LRP6: variants seen among roughly 807,000 people sequenced by gnomAD.
The protein encoded by LRP6 is low-density lipoprotein receptor-related protein 6.
Under a neutral mutation model 184.1 loss-of-function variants are expected in LRP6, and 43 were observed. That is an observed-to-expected ratio of 0.23 (90% CI 0.18 to 0.30). LRP6 has a LOEUF of 0.30. Ranked by LOEUF, LRP6 falls within the 10% of genes least tolerant of loss-of-function variation. The pLI is 1.00. For synonymous variants in LRP6, 719 were observed against 684.9 expected (o/e 1.05, Z -0.78); for missense variants, 1,571 against 2,005.3 (o/e 0.78, Z 4.14).
At chr12:12,249,187 TTAAAA>T (rs1865262447) in intron 1 of LRP6, 2 of 744,660 alleles carry the variant, frequency 2.7e-6, no homozygotes, top group South Asian at 1.5e-5. Flanking sequence ...ATATACAGCC[TTAAAA>T]TAAAATGTGG....
chr12:12,209,772 T>C (rs142483988), intron 2 of LRP6, among the ~76,000 whole-genome samples: 1 of 152,310 alleles, frequency 6.6e-6, no homozygotes, highest in African/African-American at 2.4e-5. Context: ...CTAAGCACCA[T>C]GCCTGATACA....
intron 2 of LRP6, among the ~76,000 whole-genome samples, chr12:12,214,038 A>G (rs1379683183): frequency 6.6e-6 from 1 of 152,052 alleles, no homozygotes; most frequent in Non-Finnish European, 1.5e-5. Flanking sequence ...CATATTTATC[A>G]TCTTCTCTTA....
rs1197467010 is a variant in LRP6, at chr12:12,117,495, G to T, written c.*3631C>A. ...TGATAACCAATATGTAATTCCTATG[G>T]CATGCAAATGAATGAAGTGGGACAA... On this transcript the variant is annotated 3_prime_UTR_variant, in exon 23 of 23. Coordinates refer to ENST00000261349, the MANE Select transcript of LRP6 (RefSeq NM_002336.3). 1 of 152,140 alleles carries T rather than the reference G, an allele frequency of 6.6e-6. No individual in the cohort carries two copies. The highest frequency in any genetic ancestry group is 1.5e-5 in the Non-Finnish European group (1 of 68,006). The allele number at this position is 152,140 out of a possible 1,614,324, so 9.4% of individuals were successfully genotyped here.
intron 1 of LRP6, among the ~76,000 whole-genome samples, chr12:12,256,096 AAACG>A (rs1865457463): frequency 6.6e-6 from 1 of 152,194 alleles, no homozygotes; most frequent in Non-Finnish European, 1.5e-5. Flanking sequence ...CTGATTTATA[AAACG>A]AAGGAGTTGG....
chr12:12,216,131 T>G (rs1864336990), intron 2 of LRP6, among the ~76,000 whole-genome samples: 1 of 152,292 alleles, frequency 6.6e-6, no homozygotes, highest in East Asian at 1.9e-4. Flanking sequence ...CTGGTCCTAA[T>G]TCGCTGCAAC....
At chr12:12,232,945 C>T (rs1864830634) in intron 2 of LRP6, among the ~76,000 whole-genome samples, 2 of 152,124 alleles carry the variant, frequency 1.3e-5, no homozygotes, top group African/African-American at 4.8e-5. Context: ...ACAAAAGATG[C>T]ACCTAACATC....
Position 12,120,902 on chromosome 12 carries a change from C to A in LRP6, c.*224G>T. ...ACTTTTAGTACAAATTTTTTTTATACAAACTTTTATGGCACAAGCAGCAAA... is the reference window on the plus strand; with the variant it reads ...ACTTTTAGTACAAATTTTTTTTATAAAAACTTTTATGGCACAAGCAGCAAA... On this transcript the variant is annotated 3_prime_UTR_variant, in exon 23 of 23. Coordinates refer to ENST00000261349, the MANE Select transcript of LRP6 (RefSeq NM_002336.3). 1 of 398,522 alleles carries A rather than the reference C, an allele frequency of 2.5e-6. No individual in the cohort carries two copies. Among genetic ancestry groups the A allele is most frequent in the Non-Finnish European group, 4.4e-6 (1 of 228,784 alleles). 24.7% of individuals were successfully genotyped at this position (398,522 alleles called of 1,614,324 possible). A position where few individuals can be genotyped will look rare whatever the true frequency, so the allele number is the denominator to read the frequency against.
intron 9 of LRP6, among the ~76,000 whole-genome samples, chr12:12,163,116 C>T (rs1862781053): frequency 6.6e-6 from 1 of 152,064 alleles, no homozygotes; most frequent in Admixed American, 6.5e-5. Context: ...GCTGGGATTA[C>T]AGGTATGCGC....
intron 2 of LRP6, among the ~76,000 whole-genome samples, chr12:12,224,373 C>CAG (rs149611350): frequency 0.057 from 8,720 of 152,156 alleles, 270 homozygotes; most frequent in Middle Eastern, 0.16. Flanking sequence ...TTCTACTAAA[C>CAG]AGTACAGTCT....
At chr12:12,197,888 C>G (rs985532490) in intron 3 of LRP6, among the ~76,000 whole-genome samples, 5 of 152,126 alleles carry the variant, frequency 3.3e-5, no homozygotes, top group Non-Finnish European at 5.9e-5. Context: ...ACTAAAAATA[C>G]AAAAAATTAG....
intron 2 of LRP6, among the ~76,000 whole-genome samples, chr12:12,231,424 C>T (rs924960284): frequency 2.6e-5 from 4 of 151,970 alleles, no homozygotes; most frequent in African/African-American, 9.7e-5. Flanking sequence ...TTTTGTCTTG[C>T]CCTAGGCTCT....
intron 3 of LRP6, among the ~76,000 whole-genome samples, chr12:12,195,938 G>GA (rs1565631357): frequency 2.0e-5 from 3 of 152,038 alleles, no homozygotes; most frequent in South Asian, 4.1e-4. Context: ...ATCATTTATT[G>GA]AAAAGACTAT....
intron 1 of LRP6, among the ~76,000 whole-genome samples, chr12:12,246,584 G>A (rs1229437040): frequency 1.3e-5 from 2 of 151,488 alleles, no homozygotes; most frequent in Non-Finnish European, 1.5e-5. Flanking sequence ...GTAGTCCTAG[G>A]TACTCAGGAG....
chr12:12,246,715 A>G (rs946222690), intron 1 of LRP6, among the ~76,000 whole-genome samples: 2 of 151,960 alleles, frequency 1.3e-5, no homozygotes, highest in Non-Finnish European at 2.9e-5. Context: ...TATCTACATG[A>G]TCTTCTTTCA....
Position 12,266,901 on chromosome 12 carries a change from G to T in LRP6, c.-166C>A. The T allele has an allele frequency of 8.9e-6, 6 of 672,760 alleles. No homozygotes were observed. In the South Asian group the frequency reaches 1.0e-4, roughly 11 times the overall value. 41.7% of individuals were successfully genotyped at this position (672,760 alleles called of 1,614,324 possible). ...ACGTCAAGGTTCCGCGCGCGCCGCCGCCGCCCTCTCTACCGCGCCGCTCGG... is the reference window on the plus strand; with the variant it reads ...ACGTCAAGGTTCCGCGCGCGCCGCCTCCGCCCTCTCTACCGCGCCGCTCGG... On this transcript the variant is annotated 5_prime_UTR_variant, in exon 1 of 23. Coordinates refer to ENST00000261349, the MANE Select transcript of LRP6 (RefSeq NM_002336.3).
intron 19 of LRP6, among the ~76,000 whole-genome samples, chr12:12,130,189 C>CG (rs1949728769): frequency 7.2e-6 from 1 of 139,184 alleles, no homozygotes; most frequent in African/African-American, 2.6e-5. Flanking sequence ...GAATTCTTTT[C>CG]TTTTTTTTTT....
intron 15 of LRP6, among the ~76,000 whole-genome samples, chr12:12,146,825 T>C (rs1053182560): frequency 6.6e-6 from 1 of 152,136 alleles, no homozygotes; most frequent in Non-Finnish European, 1.5e-5. Flanking sequence ...GAACATAAAC[T>C]AGAGCAGAAG....
At chr12:12,126,955 G>T in intron 19 of LRP6, 34 bp from the exon 20 acceptor site, 1 of 1,517,224 alleles carries the variant, frequency 6.6e-7, no homozygotes, top group Non-Finnish European at 9.2e-7. Context: ...TTATTTAATA[G>T]AAAAACAACT....
intron 1 of LRP6, among the ~76,000 whole-genome samples, chr12:12,261,914 T>G (rs748289971): frequency 6.6e-6 from 1 of 151,976 alleles, no homozygotes; most frequent in African/African-American, 2.4e-5. Context: ...CAAAAAAAAG[T>G]AACGAAGAAT....
Sources: gnomAD v4.1 joint callset for allele counts (sites outside exome capture counted in the v4.1 genomes callset) on GRCh38, gnomAD v4.1.1 for gene constraint, MANE v1.5 for transcripts, NCBI Gene and HGNC (gene_info 2026-07-23, HGNC 2026-07-21) for gene names.